GPR84: variants seen among roughly 807,000 people sequenced by gnomAD.
The protein encoded by GPR84 is G-protein coupled receptor 84.
A neutral mutation model predicts 14.9 loss-of-function variants in GPR84; 8 were observed. That is an observed-to-expected ratio of 0.54 (90% CI 0.31 to 0.97). The LOEUF (loss-of-function observed/expected upper bound fraction) is 0.97. Among genes scored for constraint, GPR84 ranks in the 50% least tolerant of loss-of-function variants. The probability of loss-of-function intolerance (pLI) is 0.04; values close to 1 mark genes in which losing one functional copy is unlikely to be tolerated. For synonymous variants in GPR84, 164 were observed against 198.1 expected (o/e 0.83, Z 1.45); for missense variants, 424 against 498.7 (o/e 0.85, Z 1.43).
downstream of GPR84, among the ~76,000 whole-genome samples, chr12:54,359,146 G>C (rs532048391): frequency 6.6e-6 from 1 of 152,002 alleles, no homozygotes; most frequent in Non-Finnish European, 1.5e-5. Flanking sequence ...GGGAAGGGGA[G>C]GGGAGGGGCA....
rs370537576 is a variant in GPR84 at position 54,362,647 on chromosome 12, C to G, written c.*14G>C. 4 of 1,540,854 alleles carry G rather than the reference C, an allele frequency of 2.6e-6. No homozygotes were observed. The African/African-American group carries it at 4.1e-5, about 16-fold the overall frequency. ...AGGAGACAGTCCTGAATTCTGGTGA[C>G]TAGGGTCACAGTTCTAATGGAGCCT... On this transcript the variant is annotated 3_prime_UTR_variant, in exon 2 of 2. Coordinates refer to ENST00000267015, the MANE Select transcript of GPR84 (RefSeq NM_020370.3). The surrounding 1 kb of genome is among the most constrained non-coding windows in gnomAD (Gnocchi z 4.0).
chr12:54,356,334 C>T, the GPR84 span, among the ~76,000 whole-genome samples: 1 of 152,210 alleles, frequency 6.6e-6, no homozygotes, highest in African/African-American at 2.4e-5. Context: ...CAACTCCCTC[C>T]TGAGAGGTAC....
At chr12:54,359,503 G>A (rs540739360), downstream of GPR84, among the ~76,000 whole-genome samples, 17 of 152,212 alleles carry the variant, frequency 1.1e-4, no homozygotes, top group East Asian at 1.4e-3. Flanking sequence ...TACAGGAGAT[G>A]AAGACAGCCT....
the GPR84 span, chr12:54,350,730 G>A: frequency 3.4e-6 from 2 of 595,366 alleles, no homozygotes; most frequent in Non-Finnish European, 6.0e-6. Flanking sequence ...TGGGAGTAAA[G>A]CTCCCAGCAT....
the GPR84 span, among the ~76,000 whole-genome samples, chr12:54,352,490 C>T: frequency 2.0e-5 from 3 of 152,248 alleles, no homozygotes; most frequent in Admixed American, 1.3e-4. Flanking sequence ...GGTTTTCTTT[C>T]CCCCTTCCTC....
chr12:54,363,796 T>C lies in GPR84; in HGVS notation c.56A>G (p.Tyr19Cys). The change falls in exon 2 of 2, where the codon TAT becomes TGT. Residue 19 changes from tyrosine to cysteine, a missense_variant. Transcript: ENST00000267015. Reference sequence around the variant, plus strand: ...CCCCCAGCTAACTGCAACATAACGATAGCCCAGCACAGACTCATGGTAGCA... The same window carrying C: ...CCCCCAGCTAACTGCAACATAACGACAGCCCAGCACAGACTCATGGTAGCA... ...FSCYHESVLG[Y>C]RYVAVSWGVV... 6.2e-7 allele frequency: 1 copy of C among 1,612,448 alleles called. No individual in the cohort carries two copies. The highest frequency in any genetic ancestry group is 1.1e-5 in the South Asian group (1 of 90,934).
chr12:54,355,157 C>T, the GPR84 span, among the ~76,000 whole-genome samples: 1 of 152,042 alleles, frequency 6.6e-6, no homozygotes, highest in African/African-American at 2.4e-5. Flanking sequence ...GTGAGAATAA[C>T]AAACTGGGAG....
At chr12:54,359,448 A>G (rs527775406), downstream of GPR84, among the ~76,000 whole-genome samples, 1 of 130,252 alleles carries the variant, frequency 7.7e-6, no homozygotes, top group East Asian at 2.3e-4. Flanking sequence ...GGCAGCGGGG[A>G]TTGGAGAGAC....
chr12:54,363,801 C>T lies in GPR84; in HGVS notation c.51G>A (p.Leu17=). The part of the protein sequence containing the change: ...ANFSCYHESV[L]GYRYVAVSWG... ...AGCTAACTGCAACATAACGATAGCCCAGCACAGACTCATGGTAGCAGGAGA... is the reference window on the plus strand; with the variant it reads ...AGCTAACTGCAACATAACGATAGCCTAGCACAGACTCATGGTAGCAGGAGA... The change falls in exon 2 of 2, where the codon CTG becomes CTA. Residue 17 remains leucine (L), a synonymous_variant. Transcript: ENST00000267015. 6.2e-7 allele frequency: 1 copy of T among 1,611,152 alleles called. No homozygotes were observed. Among genetic ancestry groups the T allele is most frequent in the Non-Finnish European group, 8.5e-7 (1 of 1,178,478 alleles).
downstream of GPR84, among the ~76,000 whole-genome samples, chr12:54,357,522 T>C (rs1005931863): frequency 1.3e-5 from 2 of 152,178 alleles, no homozygotes; most frequent in African/African-American, 4.8e-5. Context: ...CCACCACCCC[T>C]TCTCAATTTC....
downstream of GPR84, among the ~76,000 whole-genome samples, chr12:54,359,603 AGACT>A (rs1200878041): frequency 6.6e-6 from 1 of 152,156 alleles, no homozygotes; most frequent in African/African-American, 2.4e-5. Context: ...CTCGGGCGAG[AGACT>A]GACAGAGATA....
At chr12:54,356,772 G>A in the GPR84 span, among the ~76,000 whole-genome samples, 1 of 152,332 alleles carries the variant, frequency 6.6e-6, no homozygotes, top group Admixed American at 6.5e-5. Flanking sequence ...CCCGGGTCTG[G>A]TGAGGGAAAA....
downstream of GPR84, chr12:54,362,343 T>G: frequency 4.4e-6 from 1 of 227,294 alleles, no homozygotes; most frequent in Non-Finnish European, 8.7e-6. The surrounding 1 kb of genome is among the most constrained non-coding windows in gnomAD (Gnocchi z 4.0). Flanking sequence ...GTGACAGGAT[T>G]TCGTCATGCA....
At chr12:54,352,283 C>A in the GPR84 span, among the ~76,000 whole-genome samples, 6 of 152,182 alleles carry the variant, frequency 3.9e-5, no homozygotes, top group East Asian at 1.9e-4. Context: ...AAGGTCAGGA[C>A]GGTGGTGTAA....
At position 54,362,692 on chromosome 12, in the gene GPR84, CTT is replaced by C; in HGVS notation, c.1158_1159del (p.Gly388AlafsTer6). ...GAGCCTATGGAAACTCCGGGGCCCT[CTT>C]TTTAAAATGGAGCCATATGCTTGGC... On this transcript the variant is annotated frameshift_variant, in exon 2 of 2. Coordinates refer to ENST00000267015, the MANE Select transcript of GPR84 (RefSeq NM_020370.3). LOFTEE classifies it high-confidence loss of function. This position sits in a 1 kb window ranked among gnomAD's most constrained non-coding sequence, Gnocchi z 4.0. The C allele has an allele frequency of 6.2e-7, 1 of 1,611,350 alleles. No homozygotes were observed. Among genetic ancestry groups the C allele is most frequent in the Non-Finnish European group, 8.5e-7 (1 of 1,177,960 alleles).
Position 54,363,714 on chromosome 12 carries a change from G to C in GPR84, c.138C>G (p.Ala46=). Residue 46 remains alanine (A), a synonymous_variant, in exon 2 of 2, where the codon GCC becomes GCG. Transcript: ENST00000267015. ...ATCGGGTACGGAGCTTGGGCTGGAT[G>C]GCCAAGGCCAGTAGGGTGAGCACAT... ...VGNVLTLLAL[A]IQPKLRTRFN... The C allele has an allele frequency of 6.2e-7, 1 of 1,614,066 alleles. No individual in the cohort carries two copies. The highest frequency in any genetic ancestry group is 8.5e-7 in the Non-Finnish European group (1 of 1,179,988).
At chr12:54,357,569 G>C (rs1954223675), downstream of GPR84, among the ~76,000 whole-genome samples, 1 of 152,174 alleles carries the variant, frequency 6.6e-6, no homozygotes, top group Non-Finnish European at 1.5e-5. Flanking sequence ...AGAAGTATTG[G>C]CTGTTTTTAA....
At chr12:54,354,596 CTTT>C in the GPR84 span, among the ~76,000 whole-genome samples, 1 of 128,640 alleles carries the variant, frequency 7.8e-6, no homozygotes. Context: ...CTATGCCTAG[CTTT>C]TTTTTTTTTT....
chr12:54,363,702 C>G lies in GPR84; in HGVS notation c.150G>C (p.Lys50Asn). The change falls in exon 2 of 2, where the codon AAG becomes AAC. Residue 50 changes from lysine (K) to asparagine (N), a missense_variant. Transcript: ENST00000267015. Reference protein sequence around the residue: ...LTLLALAIQPKLRTRFNLLIA... With the variant: ...LTLLALAIQPNLRTRFNLLIA... ...TGAGCAGGTTGAATCGGGTACGGAG[C>G]TTGGGCTGGATGGCCAAGGCCAGTA... is the stretch of plus-strand genomic sequence containing the variant. The G allele has an allele frequency of 6.2e-7, 1 of 1,614,084 alleles. No homozygotes were observed. Among genetic ancestry groups the G allele is most frequent in the South Asian group, 1.1e-5 (1 of 91,068 alleles).
Sources: gnomAD v4.1 joint callset for allele counts (sites outside exome capture counted in the v4.1 genomes callset) on GRCh38, gnomAD v4.1.1 for gene constraint, Gnocchi (gnomAD v3.1) non-coding constraint, MANE v1.5 for transcripts, NCBI Gene and HGNC (gene_info 2026-07-23, HGNC 2026-07-21) for gene names.